The following PHLPP1 variants were observed in gnomAD, a reference collection of about 807,000 sequenced individuals.
The protein encoded by PHLPP1 is PH domain leucine-rich repeat-containing protein phosphatase 1.
A neutral mutation model predicts 117.2 loss-of-function variants in PHLPP1; 42 were observed. The ratio of observed to expected loss-of-function variants is 0.36; its 90% CI spans 0.28 to 0.46. The LOEUF (loss-of-function observed/expected upper bound fraction) is 0.46. PHLPP1 is among the 20% of genes least tolerant of loss of function. PHLPP1 has a pLI of 1.00. For synonymous variants in PHLPP1, 1,042 were observed against 970.7 expected, an observed-to-expected ratio of 1.07 and a Z score of -1.37; for missense variants, 2,084 against 2,241.9, an observed-to-expected ratio of 0.93 and a Z score of 1.42.
At chr18:62,733,742 A>T (rs1206688620) in intron 1 of PHLPP1, among the ~76,000 whole-genome samples, 1 of 152,312 alleles carries the variant, frequency 6.6e-6, no homozygotes, top group East Asian at 1.9e-4. Flanking sequence ...TAGTAGCAGG[A>T]ATGGGGAGAG....
chr18:62,881,334 G>A lies in PHLPP1; in HGVS notation c.2067-13677G>A, dbSNP rs1019244129. ...TTGCCTTTACAGCAAAATGTCCATGGAAATTATTGTCAACACTGAGAATTC... is the reference window on the plus strand; with the variant it reads ...TTGCCTTTACAGCAAAATGTCCATGAAAATTATTGTCAACACTGAGAATTC... On this transcript the variant is annotated intron_variant, in intron 4 of 16. Transcript: ENST00000262719. Among the ~76,000 whole-genome samples the A allele has an allele frequency of 2.5e-4, 38 of 152,114 alleles. 1 individual carries two copies. The highest frequency in any genetic ancestry group is 1.5e-3 in the South Asian group (7 of 4,810).
At chr18:62,731,506 C>A (rs1911227251) in intron 1 of PHLPP1, among the ~76,000 whole-genome samples, 1 of 152,116 alleles carries the variant, frequency 6.6e-6, no homozygotes, top group South Asian at 2.1e-4. Context: ...TTTCCCTCTC[C>A]TGGGGCCTCC....
rs1276236861 is a variant in PHLPP1, at chr18:62,979,876, G to GT, written c.*450dup. 6.3e-6 allele frequency: 1 copy of GT among 157,706 alleles called. No homozygotes were observed. 9.8% of individuals were successfully genotyped at this position (157,706 alleles called of 1,614,324 possible). A position where few individuals can be genotyped will look rare whatever the true frequency, so the allele number is the denominator to read the frequency against. ...GTTTTGTTTTGTTTTGTTTTGTTTTGTTTTTGTCTTGAAAATAATAGACAT... is the reference window on the plus strand; with the variant it reads ...GTTTTGTTTTGTTTTGTTTTGTTTTGTTTTTTGTCTTGAAAATAATAGACAT... On this transcript the variant is annotated 3_prime_UTR_variant, in exon 17 of 17. Coordinates refer to ENST00000262719, the MANE Select transcript of PHLPP1 (RefSeq NM_194449.4).
intron 14 of PHLPP1, among the ~76,000 whole-genome samples, chr18:62,970,071 T>C (rs1033835271): frequency 1.3e-5 from 2 of 152,228 alleles, no homozygotes; most frequent in Admixed American, 6.5e-5. Context: ...TTATTTGTTA[T>C]GATTTGATTT....
intron 1 of PHLPP1, among the ~76,000 whole-genome samples, chr18:62,733,933 C>T (rs1009744974): frequency 6.6e-6 from 1 of 152,148 alleles, no homozygotes; most frequent in African/African-American, 2.4e-5. Flanking sequence ...TTCCAGGCAT[C>T]TGGGCCTTTT....
In PHLPP1 at chr18:62,958,806, A is replaced by G. The variant is rs539373823; in HGVS notation, c.3455+47A>G. On this transcript the variant is annotated intron_variant, in intron 13 of 16. Transcript: ENST00000262719. The stretch of plus-strand genomic sequence containing the variant: ...GTATCCCCATCATTGTCCACTGGCA[A>G]TGGGATTCATATCTTAGTGAAAATG... 243 of 1,602,788 alleles carry G rather than the reference A, an allele frequency of 1.5e-4. 1 individual carries two copies. In the East Asian group the frequency reaches 5.1e-3, roughly 34 times the overall value.
At chr18:62,949,400 A>G (rs1323274595) in intron 12 of PHLPP1, among the ~76,000 whole-genome samples, 1 of 152,224 alleles carries the variant, frequency 6.6e-6, no homozygotes, top group East Asian at 1.9e-4. Flanking sequence ...TGTACACCTT[A>G]AACAGACTAT....
At chr18:62,864,773 C>T (rs1915730206) in intron 4 of PHLPP1, among the ~76,000 whole-genome samples, 1 of 152,198 alleles carries the variant, frequency 6.6e-6, no homozygotes, top group African/African-American at 2.4e-5. Context: ...AGGATTTTTA[C>T]ATTACCCATC....
At chr18:62,848,927 T>G (rs1915252252) in intron 3 of PHLPP1, among the ~76,000 whole-genome samples, 1 of 152,190 alleles carries the variant, frequency 6.6e-6, no homozygotes, top group African/African-American at 2.4e-5. Context: ...TTTACAGTGG[T>G]TGGAAGAGAC....
At chr18:62,934,005 G>T (rs542197989) in intron 10 of PHLPP1, among the ~76,000 whole-genome samples, 1 of 152,260 alleles carries the variant, frequency 6.6e-6, no homozygotes, top group East Asian at 1.9e-4. Context: ...TCAGAGAAAT[G>T]CAAGTTACAG....
At chr18:62,885,292 G>A (rs1032105269) in intron 4 of PHLPP1, among the ~76,000 whole-genome samples, 1 of 152,068 alleles carries the variant, frequency 6.6e-6, no homozygotes, top group African/African-American at 2.4e-5. Context: ...ATTTTCTAAT[G>A]AGCATTGACT....
chr18:62,853,782 T>C (rs999493378), intron 3 of PHLPP1, among the ~76,000 whole-genome samples: 1 of 152,262 alleles, frequency 6.6e-6, no homozygotes, highest in Non-Finnish European at 1.5e-5. Flanking sequence ...AATTGCAGTT[T>C]ATCCTTATAA....
intron 1 of PHLPP1, among the ~76,000 whole-genome samples, chr18:62,781,657 A>T (rs1913122504): frequency 6.6e-6 from 1 of 152,094 alleles, no homozygotes; most frequent in Non-Finnish European, 1.5e-5. Flanking sequence ...CTGGGATAAG[A>T]TGATTTTTTT....
chr18:62,770,732 A>C (rs751223212), intron 1 of PHLPP1, among the ~76,000 whole-genome samples: 17 of 151,210 alleles, frequency 1.1e-4, no homozygotes, highest in Non-Finnish European at 2.2e-4. Context: ...TGGATTTTGG[A>C]ATTTTTTTGG....
chr18:62,856,084 A>G (rs556827311), intron 3 of PHLPP1, among the ~76,000 whole-genome samples: 7 of 152,262 alleles, frequency 4.6e-5, no homozygotes, highest in African/African-American at 1.7e-4. Context: ...TTCAGATTCA[A>G]CTAACCGGGG....
intron 4 of PHLPP1, among the ~76,000 whole-genome samples, chr18:62,892,066 TTTTCTTTC>T (rs1236667691): frequency 1.4e-5 from 2 of 146,230 alleles, no homozygotes; most frequent in African/African-American, 5.0e-5. Flanking sequence ...ATTTTCTTTC[TTTTCTTTC>T]TTTCTTTCTT....
chr18:62,806,659 C>T (rs1913959547), intron 1 of PHLPP1, among the ~76,000 whole-genome samples: 1 of 152,134 alleles, frequency 6.6e-6, no homozygotes, highest in Non-Finnish European at 1.5e-5. Flanking sequence ...ACACTCCTTT[C>T]TGTAATTGGG....
At chr18:62,851,736 G>C (rs950134682) in intron 3 of PHLPP1, among the ~76,000 whole-genome samples, 4 of 152,172 alleles carry the variant, frequency 2.6e-5, no homozygotes, top group African/African-American at 7.2e-5. Flanking sequence ...TAGGATTACA[G>C]GCGTGAGCCA....
At chr18:62,974,508 T>C (rs1181926715) in intron 15 of PHLPP1, among the ~76,000 whole-genome samples, 5 of 152,190 alleles carry the variant, frequency 3.3e-5, no homozygotes, top group Non-Finnish European at 2.9e-5. Context: ...TTAACTTTCT[T>C]GCTCCTGTAC....
Sources: allele counts gnomAD v4.1 joint callset (sites outside exome capture counted in the v4.1 genomes callset), GRCh38; gene constraint gnomAD v4.1.1; transcripts MANE v1.5; gene names NCBI Gene and HGNC (gene_info 2026-07-23, HGNC 2026-07-21).